Variants in TRAPPC9 observed in about 807,000 individuals in gnomAD.
The protein encoded by TRAPPC9 is trafficking protein particle complex subunit 9, also known as IKK2 binding protein.
A neutral mutation model predicts 124.0 loss-of-function variants in TRAPPC9; 83 were observed. The observed-to-expected ratio is 0.67, with a 90% CI of 0.56 to 0.80. TRAPPC9 has a LOEUF of 0.80. Among genes scored for constraint, TRAPPC9 ranks in the 30% least tolerant of loss-of-function variants. The pLI is 0.00. For missense variants in TRAPPC9, 1,302 were observed against 1,508.3 expected, an observed-to-expected ratio of 0.86 and a Z score of 2.27; for synonymous variants, 638 against 617.5, an observed-to-expected ratio of 1.03 and a Z score of -0.49.
intron 17 of TRAPPC9, among the ~76,000 whole-genome samples, chr8:140,213,573 G>A (rs757107030): frequency 6.8e-6 from 1 of 147,216 alleles, no homozygotes; most frequent in Non-Finnish European, 1.5e-5. Context: ...ACTGACTTTG[G>A]GTTTAATCTA....
At chr8:140,286,345 C>T (rs903843400) in intron 13 of TRAPPC9, among the ~76,000 whole-genome samples, 2 of 152,096 alleles carry the variant, frequency 1.3e-5, no homozygotes, top group Non-Finnish European at 2.9e-5. Context: ...AAGGGCCTGG[C>T]GACAGCTGTG....
At chr8:139,881,530 T>C (rs1312421415) in intron 21 of TRAPPC9, among the ~76,000 whole-genome samples, 1 of 152,062 alleles carries the variant, frequency 6.6e-6, no homozygotes, top group African/African-American at 2.4e-5. Context: ...CCTGCTCTGG[T>C]CTCATGATGA....
intron 21 of TRAPPC9, among the ~76,000 whole-genome samples, chr8:139,813,105 T>C (rs1422962326): frequency 6.6e-6 from 1 of 152,214 alleles, no homozygotes; most frequent in African/African-American, 2.4e-5. Context: ...GGGTGCCAGC[T>C]GCTCAAGGAC....
intron 17 of TRAPPC9, among the ~76,000 whole-genome samples, chr8:140,036,423 G>A (rs181506857): frequency 2.6e-5 from 4 of 152,064 alleles, no homozygotes; most frequent in South Asian, 2.1e-4. Context: ...GCTGACCGAC[G>A]GTACGCTGAG....
At chr8:139,879,066 G>T (rs555682483) in intron 21 of TRAPPC9, among the ~76,000 whole-genome samples, 1 of 152,396 alleles carries the variant, frequency 6.6e-6, no homozygotes, top group South Asian at 2.1e-4. Context: ...TGGGGATACT[G>T]AGTCTGCCAG....
At chr8:139,994,855 A>G (rs951178345) in intron 18 of TRAPPC9, among the ~76,000 whole-genome samples, 9 of 152,110 alleles carry the variant, frequency 5.9e-5, no homozygotes, top group Admixed American at 4.6e-4. Flanking sequence ...GAACAGAACA[A>G]GCAGAGAGTG....
chr8:140,093,028 GAA>G (rs796787044), intron 17 of TRAPPC9, among the ~76,000 whole-genome samples: 1 of 140,440 alleles, frequency 7.1e-6, no homozygotes, highest in African/African-American at 2.6e-5. Context: ...GTATCTGAAT[GAA>G]AAAAAAAAAA....
chr8:140,380,802 C>G (rs919083763), intron 7 of TRAPPC9, among the ~76,000 whole-genome samples: 2 of 151,912 alleles, frequency 1.3e-5, no homozygotes, highest in East Asian at 3.9e-4. Context: ...TTAATGACCT[C>G]GGGTTAGCAA....
intron 19 of TRAPPC9, among the ~76,000 whole-genome samples, chr8:139,988,466 G>T (rs187381416): frequency 9.9e-4 from 151 of 152,192 alleles, no homozygotes; most frequent in African/African-American, 3.5e-3. Flanking sequence ...ATGCTGCTGG[G>T]TCCTCAAATG....
chr8:140,348,854 G>A (rs866417194), intron 9 of TRAPPC9, among the ~76,000 whole-genome samples: 1 of 152,132 alleles, frequency 6.6e-6, no homozygotes, highest in Non-Finnish European at 1.5e-5. Flanking sequence ...AGAGACAAGC[G>A]GAGGCAGAAC....
At chr8:140,219,351 T>C (rs1283064265) in intron 17 of TRAPPC9, among the ~76,000 whole-genome samples, 2 of 152,206 alleles carry the variant, frequency 1.3e-5, no homozygotes, top group African/African-American at 4.8e-5. Flanking sequence ...GCTCCGTCGA[T>C]AGCCGCTTGA....
At chr8:140,416,785 A>T (rs569626106) in intron 5 of TRAPPC9, among the ~76,000 whole-genome samples, 25 of 152,332 alleles carry the variant, frequency 1.6e-4, no homozygotes, top group African/African-American at 6.0e-4. Flanking sequence ...AAAAGAACAA[A>T]GCTGGAGGCA....
At chr8:139,838,411 C>T (rs1358259182) in intron 21 of TRAPPC9, among the ~76,000 whole-genome samples, 1 of 152,232 alleles carries the variant, frequency 6.6e-6, no homozygotes, top group African/African-American at 2.4e-5. Context: ...GAAACACGAA[C>T]AAGCAAACAT....
At chr8:140,213,134 CTTTT>C (rs1327975872) in intron 17 of TRAPPC9, among the ~76,000 whole-genome samples, 1 of 150,160 alleles carries the variant, frequency 6.7e-6, no homozygotes, top group Non-Finnish European at 1.5e-5. Context: ...TTTTTGTTGA[CTTTT>C]TTATTTTATT....
At chr8:139,923,186 C>G (rs992720519) in intron 19 of TRAPPC9, among the ~76,000 whole-genome samples, 1 of 151,726 alleles carries the variant, frequency 6.6e-6, no homozygotes, top group African/African-American at 2.4e-5. Flanking sequence ...ATAAACATCC[C>G]TGTATAATCA....
intron 11 of TRAPPC9, among the ~76,000 whole-genome samples, chr8:140,296,387 C>G (rs979785407): frequency 1.3e-5 from 2 of 152,200 alleles, no homozygotes; most frequent in South Asian, 2.1e-4. Context: ...ACCTCAGCCT[C>G]CCAACTAGCT....
At chr8:140,411,206 C>G (rs901346968) in intron 5 of TRAPPC9, among the ~76,000 whole-genome samples, 8 of 152,112 alleles carry the variant, frequency 5.3e-5, no homozygotes, top group African/African-American at 1.9e-4. Flanking sequence ...AATCAATGAA[C>G]CTTAGGAGCA....
chr8:140,307,136 G>A (rs2066160023), intron 10 of TRAPPC9, among the ~76,000 whole-genome samples: 1 of 152,198 alleles, frequency 6.6e-6, no homozygotes, highest in Non-Finnish European at 1.5e-5. Context: ...AAAGAAAGCA[G>A]TGTTCCTTTA....
chr8:140,198,776 G>T (rs1339808405), intron 17 of TRAPPC9, among the ~76,000 whole-genome samples: 1 of 152,174 alleles, frequency 6.6e-6, no homozygotes, highest in East Asian at 1.9e-4. Flanking sequence ...TCCACTCCAA[G>T]TCTGCCTCCT....
Sources: allele counts gnomAD v4.1 joint callset (sites outside exome capture counted in the v4.1 genomes callset), GRCh38; gene constraint gnomAD v4.1.1; transcripts MANE v1.5; gene names NCBI Gene and HGNC (gene_info 2026-07-23, HGNC 2026-07-21).